OTOGL: variants seen among roughly 807,000 people sequenced by gnomAD.
The protein encoded by OTOGL is otogelin like, also known as otogelin-like protein.
Under a neutral mutation model 318.5 loss-of-function variants are expected in OTOGL, and 285 were observed. The observed-to-expected ratio is 0.89, with a 90% confidence interval of 0.81 to 0.99. The LOEUF is 0.99. Among genes scored for constraint, OTOGL ranks in the 50% least tolerant of loss-of-function variants. The pLI is 0.00. For missense variants in OTOGL, 2,899 were observed against 2,845.6 expected, an observed-to-expected ratio of 1.02 and a Z score of -0.43; for synonymous variants, 987 against 936.5, an observed-to-expected ratio of 1.05 and a Z score of -0.99.
chr12:80,211,790 C>A, intron 3 of OTOGL, among the ~76,000 whole-genome samples, 159 bp from the exon 4 acceptor site: 1 of 152,132 alleles, frequency 6.6e-6, no homozygotes, highest in East Asian at 1.9e-4. Flanking sequence ...CTAACCCCTC[C>A]AGAAAGGGGA....
Position 80,342,008 on chromosome 12 carries a change from A to G in OTOGL, c.5111A>G (p.Asn1704Ser). 6 of 1,609,280 alleles carry G rather than the reference A, an allele frequency of 3.7e-6. No individual in the cohort carries two copies. Among genetic ancestry groups the G allele is most frequent in the South Asian group, 1.1e-5 (1 of 89,952 alleles). ...LRMQNGTIIT[N>S]MEDIGLFIES... ...ATGCAAAATGGCACAATTATTACAA[A>G]TATGGAAGACATAGGATTATTTATT... is the stretch of plus-strand genomic sequence containing the variant. The change falls in exon 44 of 59, where the codon AAT (asparagine) becomes AGT (serine). Residue 1704 changes from asparagine (N) to serine (S), a missense_variant. Asn to Ser is a conservative substitution (Grantham distance 46). This residue lies in a region of OTOGL where 2,607 missense variants were observed against 2,524.9 expected (regional missense o/e 1.03). Transcript: ENST00000547103.
intron 1 of OTOGL, among the ~76,000 whole-genome samples, chr12:80,121,566 C>A (rs1437008168): frequency 1.3e-5 from 2 of 152,088 alleles, no homozygotes; most frequent in African/African-American, 4.8e-5. Flanking sequence ...TCAACCACCC[C>A]ACGAAACAAA....
At chr12:80,327,451 C>T (rs1016630004) in intron 35 of OTOGL, among the ~76,000 whole-genome samples, 6 of 152,092 alleles carry the variant, frequency 3.9e-5, no homozygotes, top group Non-Finnish European at 7.4e-5. Flanking sequence ...TTCTTGAAAA[C>T]GATAGCTTCT....
At chr12:80,318,964 A>G (rs1328511080) in intron 33 of OTOGL, among the ~76,000 whole-genome samples, 1 of 151,378 alleles carries the variant, frequency 6.6e-6, no homozygotes, top group Non-Finnish European at 1.5e-5. Context: ...TAAATAAAAT[A>G]TAGCTAAAAT....
Position 80,305,651 on chromosome 12 carries a change from G to T in OTOGL, c.3289G>T (p.Val1097Leu), listed in dbSNP as rs1356074631. ...NDMTTSNNLE[V>L]RNARVFGDSW... ...TATGACCACATCTAATAACTTGGAA[G>T]TGAGAAATGCTCGGGTATTTGGAGA... Residue 1097 changes from valine to leucine, a missense_variant, in exon 29 of 59, where the codon GTG becomes TTG. By Grantham distance (32) the Val-to-Leu change is conservative (BLOSUM62 1). Around this residue, in one of 3 missense-constraint regions of OTOGL, gnomAD observed 2,607 missense variants for 2,524.9 expected, o/e 1.03. Coordinates refer to ENST00000547103, the MANE Select transcript of OTOGL (RefSeq NM_001378609.3). 2 of 1,583,100 alleles carry T rather than the reference G, an allele frequency of 1.3e-6. No individual in the cohort carries two copies. Among genetic ancestry groups the T allele is most frequent in the African/African-American group, 2.7e-5 (2 of 74,548 alleles).
In OTOGL at chr12:80,377,210, G is replaced by A. The variant is rs774285270; in HGVS notation, c.6861+8G>A. Reference sequence around the variant, plus strand: ...TGTATGAGCCAAAGCCCTGTAAGTGGAAAAATGTCATTTGCTACATAAATG... The same window carrying A: ...TGTATGAGCCAAAGCCCTGTAAGTGAAAAAATGTCATTTGCTACATAAATG... On this transcript the variant is annotated splice_region_variant and intron_variant, in intron 58 of 58. Coordinates refer to ENST00000547103, the MANE Select transcript of OTOGL (RefSeq NM_001378609.3). The A allele has an allele frequency of 6.3e-7, 1 of 1,581,478 alleles. No homozygotes were observed. Among genetic ancestry groups the A allele is most frequent in the South Asian group, 1.1e-5 (1 of 87,002 alleles).
chr12:80,307,884 C>T (rs1886299668), intron 29 of OTOGL, among the ~76,000 whole-genome samples: 1 of 137,648 alleles, frequency 7.3e-6, no homozygotes, highest in Non-Finnish European at 1.5e-5. Flanking sequence ...CCCCCACCTC[C>T]CTCCCTCCCG....
intron 1 of OTOGL, among the ~76,000 whole-genome samples, chr12:80,153,075 A>G (rs185743524): frequency 6.4e-4 from 97 of 152,320 alleles, no homozygotes; most frequent in African/African-American, 2.2e-3. Context: ...TGAGAGAAAG[A>G]TACAGAGATT....
At chr12:80,211,704 C>T (rs1038859105) in intron 3 of OTOGL, among the ~76,000 whole-genome samples, 2 of 152,126 alleles carry the variant, frequency 1.3e-5, no homozygotes, top group Non-Finnish European at 2.9e-5. Context: ...TCCTAATATT[C>T]AGTTCACATC....
At chr12:80,152,224 G>A (rs752711524) in intron 1 of OTOGL, among the ~76,000 whole-genome samples, 1 of 152,136 alleles carries the variant, frequency 6.6e-6, no homozygotes, top group East Asian at 1.9e-4. Context: ...CTGGCTCTTG[G>A]TGGTTGGGAG....
chr12:80,179,948 G>A (rs1468211204), intron 1 of OTOGL, among the ~76,000 whole-genome samples: 1 of 152,216 alleles, frequency 6.6e-6, no homozygotes, highest in African/African-American at 2.4e-5. Flanking sequence ...CCAGAACTAT[G>A]GAGTTTGACA....
At chr12:80,151,360 C>A (rs1233469630) in intron 1 of OTOGL, among the ~76,000 whole-genome samples, 2 of 152,156 alleles carry the variant, frequency 1.3e-5, no homozygotes, top group African/African-American at 4.8e-5. Context: ...TATGCTTTAA[C>A]CACACAATCT....
In OTOGL at chr12:80,283,982, A is replaced by G. The variant is rs138066779; in HGVS notation, c.2928+4816A>G. 7.2e-5 allele frequency among the ~76,000 whole-genome samples: 11 copies of G among 151,752 alleles called. No homozygotes were observed. In the East Asian group the frequency reaches 1.9e-3, roughly 27 times the overall value. On this transcript the variant is annotated intron_variant, in intron 26 of 58. Transcript: ENST00000547103. ...CCATCAACCTGTCATCTAGGTTTTA[A>G]TCCCCCCACACATTAGGTATTTGTC...
At chr12:80,239,990 C>T (rs1227342632) in intron 11 of OTOGL, among the ~76,000 whole-genome samples, 2 of 152,044 alleles carry the variant, frequency 1.3e-5, no homozygotes, top group African/African-American at 2.4e-5. Flanking sequence ...ATTTGTCTTT[C>T]TGTTTGGCTT....
intron 11 of OTOGL, among the ~76,000 whole-genome samples, chr12:80,250,170 C>G (rs530282824): frequency 8.5e-5 from 13 of 152,288 alleles, no homozygotes; most frequent in Non-Finnish European, 1.5e-4. Flanking sequence ...TGTTCCTATT[C>G]GGCCATCTTG....
intron 1 of OTOGL, among the ~76,000 whole-genome samples, chr12:80,197,912 G>C (rs1372188565): frequency 6.6e-6 from 1 of 152,134 alleles, no homozygotes; most frequent in Non-Finnish European, 1.5e-5. Context: ...ATATGTACAA[G>C]GGGGACATAA....
At chr12:80,204,431 T>C (rs1876672997) in intron 1 of OTOGL, among the ~76,000 whole-genome samples, 1 of 152,184 alleles carries the variant, frequency 6.6e-6, no homozygotes, top group South Asian at 2.1e-4. Flanking sequence ...ACAGGTTTTG[T>C]TTTATAGTTT....
Position 80,279,086 on chromosome 12 carries a change from A to G in OTOGL, c.2848A>G (p.Ile950Val). ...TTATCCATGCCCAGCAGTGTGCACA[A>G]TATACGGGGACCGACATTATTATTC... ...TYYPCPAVCT[I>V]YGDRHYYSFD... is the part of the protein sequence containing the mutation. The change falls in exon 26 of 59, where the codon ATA (isoleucine) becomes GTA (valine). Residue 950 changes from isoleucine (I) to valine (V), a missense_variant. Physicochemically the swap from Ile to Val is conservative, Grantham distance 29 (BLOSUM62 3). Coordinates refer to ENST00000547103, the MANE Select transcript of OTOGL (RefSeq NM_001378609.3). The G allele has an allele frequency of 1.9e-6, 3 of 1,594,694 alleles. No individual in the cohort carries two copies. The highest frequency in any genetic ancestry group is 1.7e-5 in the Admixed American group (1 of 59,716).
chr12:80,307,506 G>A (rs1269437277), intron 29 of OTOGL, among the ~76,000 whole-genome samples: 4 of 149,752 alleles, frequency 2.7e-5, no homozygotes, highest in Non-Finnish European at 5.9e-5. Context: ...TTCCCAGTAG[G>A]GGCGGCCGGG....
Sources: gnomAD v4.1 joint callset for allele counts (sites outside exome capture counted in the v4.1 genomes callset) on GRCh38, gnomAD v4.1.1 for gene constraint, gnomAD v4.1.1 regional missense constraint, MANE v1.5 for transcripts, NCBI Gene and HGNC (gene_info 2026-07-23, HGNC 2026-07-21) for gene names.